STK40: variants seen among roughly 807,000 people sequenced by gnomAD.
The protein encoded by STK40 is serine/threonine kinase 40.
STK40 carries 13 observed loss-of-function variants against 47.9 expected under a neutral mutation model. The ratio of observed to expected loss-of-function variants is 0.27; its 90% CI spans 0.18 to 0.43. The LOEUF is 0.43. Ranked by LOEUF, STK40 falls within the 20% of genes least tolerant of loss-of-function variation. The pLI is 1.00. For synonymous variants in STK40, 225 were observed against 243.2 expected, an observed-to-expected ratio of 0.93 and a Z score of 0.69; for missense variants, 460 against 595.1, an observed-to-expected ratio of 0.77 and a Z score of 2.36.
chr1:36,352,599 T>TGAACC (rs1213757378), intron 6 of STK40, among the ~76,000 whole-genome samples: 2 of 151,912 alleles, frequency 1.3e-5, no homozygotes, highest in Non-Finnish European at 2.9e-5. Flanking sequence ...CAGTCCAGGG[T>TGAACC]TCAAGCAGCT....
At chr1:36,375,165 T>C (rs542305985) in intron 1 of STK40, among the ~76,000 whole-genome samples, 47 of 152,266 alleles carry the variant, frequency 3.1e-4, no homozygotes, top group African/African-American at 1.0e-3. Flanking sequence ...CCCTTCAGGA[T>C]TGCCAGGGCC....
chr1:36,377,554 A>AG (rs1212729407), intron 1 of STK40, among the ~76,000 whole-genome samples: 8 of 150,954 alleles, frequency 5.3e-5, no homozygotes, highest in Admixed American at 1.3e-4. Flanking sequence ...AAAAAAAAAA[A>AG]AAAGTAGTAG....
intron 2 of STK40, among the ~76,000 whole-genome samples, chr1:36,359,893 T>C (rs959280234): frequency 9.2e-5 from 14 of 152,224 alleles, no homozygotes; most frequent in Non-Finnish European, 1.8e-4. Context: ...GCTGGGCCTC[T>C]GCAGTGCTGT....
intron 1 of STK40, among the ~76,000 whole-genome samples, chr1:36,383,948 CA>C (rs1422165869): frequency 6.6e-6 from 1 of 152,104 alleles, no homozygotes; most frequent in Non-Finnish European, 1.5e-5. Flanking sequence ...ACCCCACCCC[CA>C]AGGCTGAGCT....
At chr1:36,367,067 T>G (rs915031914) in intron 1 of STK40, among the ~76,000 whole-genome samples, 13 of 151,396 alleles carry the variant, frequency 8.6e-5, no homozygotes, top group Admixed American at 6.6e-5. Context: ...AGGCTGGTCT[T>G]GAACTCCTGA....
intron 3 of STK40, 42 bp downstream of exon 3, chr1:36,358,695 G>A: frequency 6.2e-7 from 1 of 1,602,792 alleles, no homozygotes; most frequent in Non-Finnish European, 8.5e-7. Context: ...TGGCATGACA[G>A]GCCCTGTTCC....
intron 1 of STK40, among the ~76,000 whole-genome samples, chr1:36,366,597 G>C (rs1487286378): frequency 6.6e-6 from 1 of 152,090 alleles, no homozygotes; most frequent in Non-Finnish European, 1.5e-5. Flanking sequence ...ACGCCTGCAA[G>C]TGGTCCACAA....
chr1:36,358,458 G>T, intron 3 of STK40, 76 bp from the exon 4 acceptor site: 1 of 1,525,546 alleles, frequency 6.6e-7, no homozygotes. Flanking sequence ...AACGGGGGAA[G>T]CAGGGGGCTT....
At chr1:36,375,359 T>G (rs571240088) in intron 1 of STK40, among the ~76,000 whole-genome samples, 1 of 151,898 alleles carries the variant, frequency 6.6e-6, no homozygotes, top group Admixed American at 6.5e-5. Flanking sequence ...ATACAAAAAT[T>G]AGCTGGGCAT....
chr1:36,372,987 G>A (rs1318529388), intron 1 of STK40, among the ~76,000 whole-genome samples: 1 of 152,156 alleles, frequency 6.6e-6, no homozygotes, highest in African/African-American at 2.4e-5. Flanking sequence ...TCACAGCTCA[G>A]AGAACCAAGG....
At chr1:36,375,794 G>C (rs1034002216) in intron 1 of STK40, among the ~76,000 whole-genome samples, 1 of 152,170 alleles carries the variant, frequency 6.6e-6, no homozygotes, top group Non-Finnish European at 1.5e-5. Flanking sequence ...GCTGAGGCGG[G>C]TGGATCACCT....
chr1:36,349,405 C>T (rs1024403914), intron 6 of STK40, among the ~76,000 whole-genome samples: 1 of 152,318 alleles, frequency 6.6e-6, no homozygotes, highest in South Asian at 2.1e-4. Context: ...TCAGATGATA[C>T]AACAAAGGCA....
intron 1 of STK40, among the ~76,000 whole-genome samples, chr1:36,378,246 G>A (rs946909277): frequency 6.6e-6 from 1 of 152,200 alleles, no homozygotes; most frequent in Admixed American, 6.5e-5. Flanking sequence ...TGGGACCAGA[G>A]CCTAGCCAGG....
intron 10 of STK40, 29 bp from the exon 11 acceptor site, chr1:36,342,002 CA>C: frequency 6.3e-7 from 1 of 1,587,274 alleles, no homozygotes; most frequent in Non-Finnish European, 8.6e-7. Context: ...GGGAAGGAGA[CA>C]AAGATAAACC....
At chr1:36,363,668 A>G (rs1041444791) in intron 1 of STK40, among the ~76,000 whole-genome samples, 1 of 149,650 alleles carries the variant, frequency 6.7e-6, no homozygotes, top group East Asian at 2.0e-4. Context: ...AAAAAAAATT[A>G]GCTGAGCATG....
chr1:36,365,362 T>C (rs1247613191), intron 1 of STK40, among the ~76,000 whole-genome samples: 2 of 152,192 alleles, frequency 1.3e-5, no homozygotes, highest in African/African-American at 2.4e-5. Flanking sequence ...GGATGATCCA[T>C]TGCACTGCAG....
rs200223642 is a variant in STK40, at chr1:36,341,944, G to A, written c.1119C>T (p.Tyr373=). The A allele has an allele frequency of 3.8e-5, 62 of 1,613,916 alleles. No individual in the cohort carries two copies. In the East Asian group the frequency reaches 1.0e-3, roughly 27 times the overall value. Reference sequence around the variant, plus strand: ...GCTGACGCATGTAGTTCTCAAACTCGTACTGGGAGCACTCCTCCGTCACCT... The same window carrying A: ...GCTGACGCATGTAGTTCTCAAACTCATACTGGGAGCACTCCTCCGTCACCT... ...EAKVTEECSQ[Y]EFENYMRQQL... The change falls in exon 11 of 11, where the codon TAC becomes TAT. Residue 373 remains tyrosine (Y), a synonymous_variant. Transcript: ENST00000373132.
chr1:36,361,908 A>G (rs1646855797), intron 1 of STK40, among the ~76,000 whole-genome samples: 1 of 151,886 alleles, frequency 6.6e-6, no homozygotes. Context: ...AGCCCTGAGA[A>G]CCCCTCTCCC....
At chr1:36,345,991 A>ATATATATT in intron 7 of STK40, among the ~76,000 whole-genome samples, 4 of 26,466 alleles carry the variant, frequency 1.5e-4, no homozygotes, top group Non-Finnish European at 2.1e-4. Flanking sequence ...ATATATATAT[A>ATATATATT]TTTTTTTTTT....
Sources: allele counts gnomAD v4.1 joint callset (sites outside exome capture counted in the v4.1 genomes callset), GRCh38; gene constraint gnomAD v4.1.1; transcripts MANE v1.5; gene names NCBI Gene and HGNC (gene_info 2026-07-23, HGNC 2026-07-21).